CNEP1R1: variants seen among roughly 807,000 people sequenced by gnomAD.
CNEP1R1 encodes nuclear envelope phosphatase-regulatory subunit 1.
CNEP1R1 carries 10 observed loss-of-function variants against 22.7 expected under a neutral mutation model. The ratio of observed to expected loss-of-function variants is 0.44; its 90% CI spans 0.27 to 0.75. The LOEUF (loss-of-function observed/expected upper bound fraction) is 0.75, where lower values mean the gene tolerates loss of function less well. Among genes scored for constraint, CNEP1R1 ranks in the 30% least tolerant of loss-of-function variants. CNEP1R1 has a pLI of 0.17. For missense variants in CNEP1R1, 73 were observed against 151.5 expected (o/e 0.48, Z 2.72); for synonymous variants, 53 against 50.1 (o/e 1.06, Z -0.25).
chr16:50,032,634 T>C (rs999253526), intron 3 of CNEP1R1, among the ~76,000 whole-genome samples: 3 of 152,190 alleles, frequency 2.0e-5, no homozygotes, highest in Non-Finnish European at 4.4e-5. Context: ...TGTGGAAATA[T>C]GGCAGGAGAT....
At chr16:50,025,409 C>A in intron 1 of CNEP1R1, 69 bp downstream of exon 1, 1 of 1,372,598 alleles carries the variant, frequency 7.3e-7, no homozygotes, top group Non-Finnish European at 9.6e-7. Flanking sequence ...GAGGAGCCGG[C>A]GTCGTGAAGA....
chr16:50,035,237 A>C lies in CNEP1R1; in HGVS notation c.337-180A>C, dbSNP rs75045631. ...AAGATGTATGTAGTATTTTAAAATA[A>C]AGAGCTCAGAAGGAAGCTCCACACA... On this transcript the variant is annotated intron_variant, in intron 5 of 5. Transcript: ENST00000427478. 0.011 allele frequency among the ~76,000 whole-genome samples: 1,728 copies of C among 152,310 alleles called. 120 individuals are homozygous for C. In the East Asian group the frequency reaches 0.2, roughly 17 times the overall value.
chr16:50,026,371 A>G (rs371032588), intron 1 of CNEP1R1, 25 bp from the exon 2 acceptor site: 15 of 1,555,448 alleles, frequency 9.6e-6, no homozygotes, highest in Non-Finnish European at 1.3e-5. Flanking sequence ...GTGGCTAATT[A>G]GAAAATTGAC....
At chr16:50,026,519 C>T in intron 2 of CNEP1R1, 52 bp downstream of exon 2, 1 of 1,268,458 alleles carries the variant, frequency 7.9e-7, no homozygotes, top group Non-Finnish European at 1.1e-6. Context: ...ATACTTTTAT[C>T]CTAATATAGG....
intron 5 of CNEP1R1, chr16:50,034,423 G>A: frequency 2.3e-6 from 1 of 435,834 alleles, no homozygotes. Context: ...TCTTATAACT[G>A]ATGCATCTTA....
Position 50,029,729 on chromosome 16 carries a change from T to G in CNEP1R1, c.102T>G (p.Leu34=), listed in dbSNP as rs752082761. Residue 34 remains leucine, a synonymous_variant, in exon 3 of 6, where the codon CTT becomes CTG. Coordinates refer to ENST00000427478, the MANE Select transcript of CNEP1R1 (RefSeq NM_001281789.2). ...TTCGTGTTTATCTTTCATCAGTGCT[T>G]CTTATAGTGGTATCTGTCTGTACAG... ...LQPATGRWRM[L]LIVVSVCTAT... is the part of the protein sequence containing the mutation. 22 of 1,602,522 alleles carry G rather than the reference T, an allele frequency of 1.4e-5. No homozygotes were observed. The highest frequency in any genetic ancestry group is 1.2e-4 in the Admixed American group (7 of 59,234).
At position 50,035,537 on chromosome 16, in the gene CNEP1R1, C is replaced by T. The variant is rs185459967; in HGVS notation, c.*79C>T. On this transcript the variant is annotated 3_prime_UTR_variant, in exon 6 of 6. Transcript: ENST00000427478. The stretch of plus-strand genomic sequence containing the variant: ...TACAGCAAAAAGCCATAAAGGATTC[C>T]TTTTGCGGTTGGATATGTAAAGGTC... The T allele has an allele frequency of 5.2e-5, 57 of 1,095,086 alleles. No individual in the cohort carries two copies. The Admixed American group carries it at 9.8e-4, about 19-fold the overall frequency. 67.8% of individuals were successfully genotyped at this position (1,095,086 alleles called of 1,614,324 possible). A position where few individuals can be genotyped will look rare whatever the true frequency, so the allele number is the denominator to read the frequency against.
At chr16:50,033,558 A>G (rs1242565571) in intron 4 of CNEP1R1, 52 bp downstream of exon 4, 2 of 1,009,044 alleles carry the variant, frequency 2.0e-6, no homozygotes, top group Non-Finnish European at 3.0e-6. Flanking sequence ...TTGTTGATCT[A>G]GGTAATGGTT....
intron 2 of CNEP1R1, among the ~76,000 whole-genome samples, chr16:50,027,633 A>G (rs1226421079): frequency 4.6e-5 from 7 of 151,764 alleles, no homozygotes; most frequent in Non-Finnish European, 8.8e-5. Context: ...TAAGTGAGCT[A>G]TGTTCACTGC....
At chr16:50,035,246 G>GAAGGAAGCTCCACACA (rs2036265584) in intron 5 of CNEP1R1, among the ~76,000 whole-genome samples, 171 bp from the exon 6 acceptor site, 1 of 152,196 alleles carries the variant, frequency 6.6e-6, no homozygotes, top group African/African-American at 2.4e-5. Flanking sequence ...AAAGAGCTCA[G>GAAGGAAGCTCCACACA]AAGGAAGCTC....
chr16:50,026,498 A>C (rs540858490), intron 2 of CNEP1R1, 31 bp downstream of exon 2: 56 of 1,463,332 alleles, frequency 3.8e-5, no homozygotes, highest in Non-Finnish European at 5.2e-5. Context: ...TTAAGGGAAA[A>C]CTAACAATTG....
intron 2 of CNEP1R1, among the ~76,000 whole-genome samples, chr16:50,027,742 C>T (rs913758247): frequency 6.6e-6 from 1 of 151,564 alleles, no homozygotes. Flanking sequence ...CAAAATTACC[C>T]TTAGTTGATT....
At position 50,025,335 on chromosome 16, in the gene CNEP1R1, C is replaced by T; in HGVS notation, c.20C>T (p.Ala7Val). Residue 7 changes from alanine to valine, a missense_variant, in exon 1 of 6, where the codon GCG becomes GTG. Transcript: ENST00000427478. The stretch of plus-strand genomic sequence containing the variant: ...CCCGACATGAACTCGCTGGAGCAGG[C>T]GGAAGGTAGGGTGGGCCGCCCGGGC... MNSLEQ[A>V]EDLKAFERRL... The T allele has an allele frequency of 7.0e-7, 1 of 1,437,104 alleles. No homozygotes were observed. The highest frequency in any genetic ancestry group is 1.5e-5 in the South Asian group (1 of 68,708). 89.0% of individuals were successfully genotyped at this position (1,437,104 alleles called of 1,614,324 possible). A position where few individuals can be genotyped will look rare whatever the true frequency, so the allele number is the denominator to read the frequency against.
chr16:50,030,256 A>T (rs577914098), intron 3 of CNEP1R1, among the ~76,000 whole-genome samples: 16 of 152,236 alleles, frequency 1.1e-4, no homozygotes, highest in African/African-American at 3.9e-4. Context: ...GGGCAATGTC[A>T]TATAGCAAGA....
rs372276729 is a variant in CNEP1R1, at chr16:50,027,118, T to C, written c.97+651T>C. 6.2e-4 allele frequency among the ~76,000 whole-genome samples: 94 copies of C among 152,286 alleles called. 1 individual carries two copies. The South Asian group carries it at 0.018, about 29-fold the overall frequency. On this transcript the variant is annotated intron_variant, in intron 2 of 5. Coordinates refer to ENST00000427478, the MANE Select transcript of CNEP1R1 (RefSeq NM_001281789.2). ...AATAAAATTTTAGTAAGAAGAGTCA[T>C]ATTAATAGGGCTCAGTGAGTCACGC...
intron 1 of CNEP1R1, chr16:50,025,662 G>A (rs2036175197): frequency 5.6e-6 from 9 of 1,613,842 alleles, no homozygotes; most frequent in Non-Finnish European, 6.8e-6. Flanking sequence ...CCCGCGAGTT[G>A]TATCCCTGAT....
At chr16:50,029,447 C>T (rs1389239426) in intron 2 of CNEP1R1, among the ~76,000 whole-genome samples, 2 of 152,198 alleles carry the variant, frequency 1.3e-5, no homozygotes, top group African/African-American at 4.8e-5. Flanking sequence ...GACTCTTCTA[C>T]TGAAGTGTCA....
intron 1 of CNEP1R1, 200 bp from the exon 2 acceptor site, chr16:50,026,192 TAAAG>T (rs1427396260): frequency 2.1e-6 from 1 of 469,614 alleles, no homozygotes; most frequent in Non-Finnish European, 3.8e-6. Context: ...AAATTGGAAT[TAAAG>T]AGCCCTAATT....
At chr16:50,025,467 G>A in intron 1 of CNEP1R1, 127 bp downstream of exon 1, 1 of 1,190,852 alleles carries the variant, frequency 8.4e-7, no homozygotes, top group East Asian at 2.6e-5. Flanking sequence ...GGGGCCCGGA[G>A]CTTGGGGGCG....
Sources: gnomAD v4.1 joint callset for allele counts (sites outside exome capture counted in the v4.1 genomes callset) on GRCh38, gnomAD v4.1.1 for gene constraint, MANE v1.5 for transcripts, NCBI Gene and HGNC (gene_info 2026-07-23, HGNC 2026-07-21) for gene names.